APOBEC1: variants seen among roughly 807,000 people sequenced by gnomAD.
APOBEC1 encodes the protein C->U-editing enzyme APOBEC-1.
Under a neutral mutation model 26.3 loss-of-function variants are expected in APOBEC1, and 22 were observed. The observed-to-expected ratio is 0.84, with a 90% CI of 0.60 to 1.19. The LOEUF (loss-of-function observed/expected upper bound fraction) is 1.19, where lower values mean the gene tolerates loss of function less well. Ranked by LOEUF, APOBEC1 falls within the 50% of genes most tolerant of loss-of-function variation. APOBEC1 has a pLI of 0.00. For synonymous variants in APOBEC1, 77 were observed against 95.3 expected, an observed-to-expected ratio of 0.81 and a Z score of 1.12; for missense variants, 253 against 289.0, an observed-to-expected ratio of 0.88 and a Z score of 0.90.
At chr12:7,666,622 A>C (rs1220501056), upstream of APOBEC1, among the ~76,000 whole-genome samples, 2 of 152,068 alleles carry the variant, frequency 1.3e-5, no homozygotes, top group Non-Finnish European at 2.9e-5. Context: ...TAATGGAGAG[A>C]TGAGAGGAAA....
chr12:7,667,415 G>A (rs199742631), upstream of APOBEC1, among the ~76,000 whole-genome samples: 3 of 152,032 alleles, frequency 2.0e-5, no homozygotes, highest in East Asian at 3.9e-4. Context: ...TGAATCTCAA[G>A]GCCCCATGAA....
intron 1 of APOBEC1, among the ~76,000 whole-genome samples, chr12:7,660,376 G>GAAGGAAGGAAAGAA (rs1290120140): frequency 1.6e-5 from 1 of 60,982 alleles, no homozygotes; most frequent in Non-Finnish European, 4.1e-5. Context: ...AGGAAGGAAG[G>GAAGGAAGGAAAGAA]AAAGAAAGAA....
intron 4 of APOBEC1, among the ~76,000 whole-genome samples, chr12:7,650,562 T>C (rs1038126503): frequency 3.9e-5 from 6 of 152,232 alleles, no homozygotes; most frequent in African/African-American, 1.4e-4. Context: ...TAGGCTTAGA[T>C]GTTGTTTGTT....
chr12:7,664,596 A>C (rs1364077648), intron 1 of APOBEC1, among the ~76,000 whole-genome samples: 1 of 152,150 alleles, frequency 6.6e-6, no homozygotes, highest in African/African-American at 2.4e-5. Flanking sequence ...TCAACCTGGA[A>C]TCTCCTCTTC....
At chr12:7,667,748 C>T (rs1592065564), upstream of APOBEC1, among the ~76,000 whole-genome samples, 3 of 151,880 alleles carry the variant, frequency 2.0e-5, no homozygotes, top group East Asian at 5.8e-4. Flanking sequence ...AACCCAGTCT[C>T]CTAAAAATAT....
intron 1 of APOBEC1, among the ~76,000 whole-genome samples, chr12:7,661,764 G>A (rs751741373): frequency 1.3e-5 from 2 of 152,236 alleles, no homozygotes; most frequent in Admixed American, 6.5e-5. Flanking sequence ...CCTTTGAATC[G>A]TGCTAACCTG....
Position 7,651,003 on chromosome 12 carries a change from G to C in APOBEC1, c.561+20C>G. The C allele has an allele frequency of 6.5e-7, 1 of 1,530,022 alleles. No homozygotes were observed. 94.8% of individuals were successfully genotyped at this position (1,530,022 alleles called of 1,614,324 possible). A position where few individuals can be genotyped will look rare whatever the true frequency, so the allele number is the denominator to read the frequency against. On this transcript the variant is annotated intron_variant, in intron 4 of 4. Transcript: ENST00000229304. ...GATGCTTCTTTTTGCATCAACATTT[G>C]TGTCCCTAAAGTGACTTACTAGAAT...
At position 7,665,904 on chromosome 12, in the gene APOBEC1, G is replaced by A. The variant is rs1198150351; in HGVS notation, c.-32C>T. 6.2e-7 allele frequency: 1 copy of A among 1,613,780 alleles called. No individual in the cohort carries two copies. The highest frequency in any genetic ancestry group is 8.5e-7 in the Non-Finnish European group (1 of 1,179,814). The stretch of plus-strand genomic sequence containing the variant: ...CTGTCTCTGGACTTCCTCCTCTGGA[G>A]TCATAAGTTGTGCTGATTGTTCCTG... On this transcript the variant is annotated 5_prime_UTR_variant, in exon 1 of 5. Coordinates refer to ENST00000229304, the MANE Select transcript of APOBEC1 (RefSeq NM_001644.5).
chr12:7,663,663 C>T (rs372219149), intron 1 of APOBEC1, among the ~76,000 whole-genome samples: 31 of 152,154 alleles, frequency 2.0e-4, no homozygotes, highest in East Asian at 7.7e-4. Context: ...CAGAAAGGGA[C>T]GGTGAGACAT....
At chr12:7,654,372 CTTTT>C (rs373055650) in intron 2 of APOBEC1, among the ~76,000 whole-genome samples, 5 of 136,588 alleles carry the variant, frequency 3.7e-5, no homozygotes, top group Admixed American at 1.5e-4. Context: ...TCCACAGTTC[CTTTT>C]TTTTTTTTTT....
upstream of APOBEC1, among the ~76,000 whole-genome samples, chr12:7,668,132 C>T (rs537440421): frequency 7.2e-5 from 11 of 151,898 alleles, no homozygotes; most frequent in South Asian, 1.2e-3. Context: ...AGTCAGGATG[C>T]GAAATGGAGA....
upstream of APOBEC1, chr12:7,666,027 C>T (rs1592064952): frequency 3.8e-6 from 3 of 795,988 alleles, no homozygotes; most frequent in African/African-American, 1.7e-5. Context: ...GCTGTCTGTA[C>T]AAACAGGGGG....
At chr12:7,652,101 C>T (rs1454330631) in intron 3 of APOBEC1, among the ~76,000 whole-genome samples, 5 of 152,126 alleles carry the variant, frequency 3.3e-5, no homozygotes, top group South Asian at 2.1e-4. Context: ...GGATTACAGG[C>T]GTGAGCCACC....
upstream of APOBEC1, among the ~76,000 whole-genome samples, chr12:7,666,514 T>TGAACTC (rs1187081522): frequency 2.6e-5 from 4 of 152,032 alleles, no homozygotes; most frequent in African/African-American, 9.7e-5. Context: ...AGGCTGTTTT[T>TGAACTC]GAACTCTTGA....
intron 1 of APOBEC1, among the ~76,000 whole-genome samples, chr12:7,660,405 A>G (rs1192542318): frequency 8.4e-6 from 1 of 118,504 alleles, no homozygotes; most frequent in Admixed American, 8.1e-5. Context: ...AGAAAGAAAG[A>G]AAGAAAGAGA....
rs1837872444 is a variant in APOBEC1, at chr12:7,655,963, A to C, written c.17-1331T>G. On this transcript the variant is annotated intron_variant, in intron 1 of 4. Coordinates refer to ENST00000229304, the MANE Select transcript of APOBEC1 (RefSeq NM_001644.5). ...TCACTGTACATAGCCTGGGTGATAC[A>C]GTGAGACCCTGTCTCTTAAAAAATT... 2.0e-5 allele frequency among the ~76,000 whole-genome samples: 3 copies of C among 152,126 alleles called. 1 individual carries two copies.
chr12:7,664,153 C>A (rs927836027), intron 1 of APOBEC1, among the ~76,000 whole-genome samples: 1 of 152,074 alleles, frequency 6.6e-6, no homozygotes, highest in Non-Finnish European at 1.5e-5. Flanking sequence ...TCACACCTGA[C>A]CTTAAAAAAG....
upstream of APOBEC1, among the ~76,000 whole-genome samples, chr12:7,670,283 C>T (rs148795108): frequency 7.1e-6 from 1 of 139,878 alleles, no homozygotes; most frequent in Admixed American, 7.2e-5. Context: ...CCACACCTGG[C>T]CTTGTCCATT....
In APOBEC1 at chr12:7,652,638, C is replaced by A. The variant is rs756120761; in HGVS notation, c.242G>T (p.Ser81Ile). 4 of 1,614,096 alleles carry A rather than the reference C, an allele frequency of 2.5e-6. No individual in the cohort carries two copies. Among genetic ancestry groups the A allele is most frequent in the South Asian group, 1.1e-5 (1 of 91,076 alleles). Residue 81 changes from serine to isoleucine, a missense_variant, in exon 3 of 5, where the codon AGC (serine) becomes ATC (isoleucine). Ser to Ile is a moderately radical substitution (Grantham distance 142, BLOSUM62 -2). Transcript: ENST00000229304. ...TSERDFHPSM[S>I]CSITWFLSWS... Reference sequence around the variant, plus strand: ...GGACAAGAACCAGGTGATGGAGCAGCTCATGGATGGGTGAAAATCTCTTTC... The same window carrying A: ...GGACAAGAACCAGGTGATGGAGCAGATCATGGATGGGTGAAAATCTCTTTC...
Sources: allele counts gnomAD v4.1 joint callset (sites outside exome capture counted in the v4.1 genomes callset), GRCh38; gene constraint gnomAD v4.1.1; transcripts MANE v1.5; gene names NCBI Gene and HGNC (gene_info 2026-07-23, HGNC 2026-07-21).